Variants in GLB1L3 observed in about 807,000 individuals in gnomAD.
GLB1L3 encodes the protein galactosidase beta 1 like 3, also known as beta-galactosidase-1-like protein 3.
Under a neutral mutation model 89.5 loss-of-function variants are expected in GLB1L3, and 89 were observed. That is an observed-to-expected ratio of 0.99 (90% CI 0.84 to 1.19). GLB1L3 has a LOEUF of 1.19. Ranked by LOEUF, GLB1L3 falls within the 50% of genes most tolerant of loss-of-function variation. The pLI, the probability that GLB1L3 is intolerant of heterozygous loss-of-function variation, is 0.00. For synonymous variants in GLB1L3, 314 were observed against 312.3 expected (o/e 1.01, Z -0.06); for missense variants, 812 against 813.3 (o/e 1.00, Z 0.02).
intron 6 of GLB1L3, among the ~76,000 whole-genome samples, chr11:134,287,924 A>C (rs779704212): frequency 6.6e-6 from 1 of 152,202 alleles, no homozygotes; most frequent in Non-Finnish European, 1.5e-5. Context: ...GGAGGAACGC[A>C]CTATAAAGCT....
Position 134,314,323 on chromosome 11 carries a change from C to A in GLB1L3, c.1668-7C>A. The A allele has an allele frequency of 1.9e-6, 3 of 1,540,186 alleles. No individual in the cohort carries two copies. Among genetic ancestry groups the A allele is most frequent in the Non-Finnish European group, 2.6e-6 (3 of 1,141,476 alleles). ...TCTTCTCCCCCATGGCTTGGCCTTT[C>A]TTCCAGGCTCCGCTCTGCCACCTGG... On this transcript the variant is annotated splice_region_variant and splice_polypyrimidine_tract_variant and intron_variant, in intron 17 of 19. Transcript: ENST00000431683.
intron 6 of GLB1L3, chr11:134,287,350 T>C (rs972025155): frequency 6.6e-6 from 1 of 152,244 alleles, no homozygotes; most frequent in African/African-American, 2.4e-5. Context: ...TAATGCCCCA[T>C]ACCTCGCATA....
At chr11:134,292,077 T>G (rs1438630738) in intron 7 of GLB1L3, 55 bp from the exon 8 acceptor site, 4 of 1,274,108 alleles carry the variant, frequency 3.1e-6, no homozygotes, top group Non-Finnish European at 4.5e-6. Context: ...TATGTATTTC[T>G]TTTTTCCCAT....
At chr11:134,290,426 A>G (rs1941283524) in intron 7 of GLB1L3, among the ~76,000 whole-genome samples, 1 of 151,956 alleles carries the variant, frequency 6.6e-6, no homozygotes, top group Non-Finnish European at 1.5e-5. Context: ...TACAAAAATT[A>G]GCTGGGCGTG....
downstream of GLB1L3, among the ~76,000 whole-genome samples, chr11:134,322,334 G>A (rs989836321): frequency 6.6e-6 from 1 of 152,164 alleles, no homozygotes; most frequent in Non-Finnish European, 1.5e-5. Context: ...AGATCTATAT[G>A]TAGAAATAGA....
chr11:134,285,899 G>T (rs1306478714), intron 6 of GLB1L3, among the ~76,000 whole-genome samples: 8 of 149,702 alleles, frequency 5.3e-5, no homozygotes, highest in African/African-American at 2.0e-4. Context: ...ATCATGAATT[G>T]TGAGTTCTGT....
chr11:134,290,100 A>G (rs1299018802), intron 7 of GLB1L3, among the ~76,000 whole-genome samples: 2 of 152,214 alleles, frequency 1.3e-5, no homozygotes, highest in Non-Finnish European at 2.9e-5. Context: ...GGAGGTGGAC[A>G]AGGTCAGAGA....
At chr11:134,309,816 A>G (rs766255294) in intron 11 of GLB1L3, 53 bp downstream of exon 11, 5 of 1,595,264 alleles carry the variant, frequency 3.1e-6, no homozygotes, top group Non-Finnish European at 4.3e-6. Context: ...CTGGGGCTTT[A>G]CAGAGGAGGC....
At chr11:134,308,550 T>TCACCTCCAC (rs1942508700) in intron 10 of GLB1L3, among the ~76,000 whole-genome samples, 5 of 16,816 alleles carry the variant, frequency 3.0e-4, no homozygotes, top group Non-Finnish European at 6.5e-4. Context: ...ACCATCACCA[T>TCACCTCCAC]CACCATCACC....
chr11:134,323,402 C>CCT (rs879268715), downstream of GLB1L3, among the ~76,000 whole-genome samples: 1 of 99,704 alleles, frequency 1.0e-5, no homozygotes, highest in Non-Finnish European at 2.5e-5. Flanking sequence ...CACGTACACA[C>CCT]ACACACACAC....
At chr11:134,321,190 G>A (rs1437451016), downstream of GLB1L3, among the ~76,000 whole-genome samples, 8 of 152,162 alleles carry the variant, frequency 5.3e-5, no homozygotes, top group Non-Finnish European at 1.0e-4. Flanking sequence ...TGTGTAAAGC[G>A]AGAGGGATGT....
intron 12 of GLB1L3, 94 bp downstream of exon 12, chr11:134,310,745 G>C (rs1319358237): frequency 1.1e-6 from 1 of 922,742 alleles, no homozygotes; most frequent in Non-Finnish European, 1.7e-6. Context: ...TCCCTTGTGG[G>C]CAGCAGTTAC....
intron 9 of GLB1L3, among the ~76,000 whole-genome samples, chr11:134,303,178 A>G (rs1446063401): frequency 6.6e-6 from 1 of 152,126 alleles, no homozygotes; most frequent in Non-Finnish European, 1.5e-5. Flanking sequence ...TAATATTTGA[A>G]TGTGTATCAT....
chr11:134,307,044 C>A, intron 9 of GLB1L3, 80 bp from the exon 10 acceptor site: 2 of 921,276 alleles, frequency 2.2e-6, no homozygotes, highest in Admixed American at 2.2e-5. Flanking sequence ...TTCCTTAGTT[C>A]CCATCTATTG....
intron 6 of GLB1L3, among the ~76,000 whole-genome samples, chr11:134,286,052 G>A (rs1233847584): frequency 6.6e-6 from 1 of 151,896 alleles, no homozygotes; most frequent in Non-Finnish European, 1.5e-5. Context: ...GGGATTACAG[G>A]CACCAACCAC....
At chr11:134,308,655 T>TCACCATCACCACCACCACCACCAC (rs1942555473) in intron 10 of GLB1L3, among the ~76,000 whole-genome samples, 1 of 105,544 alleles carries the variant, frequency 9.5e-6, no homozygotes, top group Non-Finnish European at 2.1e-5. Context: ...ACCACCATCA[T>TCACCATCACCACCACCACCACCAC]CACCACCACC....
intron 6 of GLB1L3, among the ~76,000 whole-genome samples, chr11:134,286,783 T>C (rs1302245442): frequency 6.9e-6 from 1 of 145,022 alleles, no homozygotes; most frequent in African/African-American, 2.6e-5. Flanking sequence ...TCTCAAAAAA[T>C]AAATAAATAC....
Position 134,304,997 on chromosome 11 carries a change from A to G in GLB1L3, c.877-2127A>G, listed in dbSNP as rs148575453. On this transcript the variant is annotated intron_variant, in intron 9 of 19. Coordinates refer to ENST00000431683, the MANE Select transcript of GLB1L3 (RefSeq NM_001080407.3). ...AAGTTGCTGTGAGAGCCCGCATGCG[A>G]CTGCGCTAACAATGTATCTTAGTGG... 93 of 1,107,544 alleles carry G rather than the reference A, an allele frequency of 8.4e-5. No individual in the cohort carries two copies. The African/African-American group carries it at 1.3e-3, about 16-fold the overall frequency. 68.6% of individuals were successfully genotyped at this position (1,107,544 alleles called of 1,614,324 possible).
At position 134,319,525 on chromosome 11, in the gene GLB1L3, T is replaced by C. The variant is rs1263384405; in HGVS notation, c.*583T>C. 2 of 152,162 alleles carry C rather than the reference T, an allele frequency of 1.3e-5. No homozygotes were observed. The highest frequency in any genetic ancestry group is 4.8e-5 in the African/African-American group (2 of 41,410). The allele number at this position is 152,162 out of a possible 1,614,324, so 9.4% of individuals were successfully genotyped here. ...CAGGCTCTTATTCTTTAATTAAACG[T>C]GCCTTTGAGTAGATGTGAATAAAAT... On this transcript the variant is annotated 3_prime_UTR_variant, in exon 20 of 20. Coordinates refer to ENST00000431683, the MANE Select transcript of GLB1L3 (RefSeq NM_001080407.3).
Sources: gnomAD v4.1 joint callset for allele counts (sites outside exome capture counted in the v4.1 genomes callset) on GRCh38, gnomAD v4.1.1 for gene constraint, MANE v1.5 for transcripts, NCBI Gene and HGNC (gene_info 2026-07-23, HGNC 2026-07-21) for gene names.